Variants in RBFOX1 observed in about 807,000 individuals in gnomAD.
RBFOX1 encodes the protein RNA binding protein fox-1 homolog 1.
In RBFOX1, 8 loss-of-function variants were observed where a neutral mutation model predicts 57.7. The observed-to-expected ratio is 0.14, with a 90% CI of 0.08 to 0.25. The LOEUF is 0.25. Ranked by LOEUF, RBFOX1 falls within the 10% of genes least tolerant of loss-of-function variation. The probability of loss-of-function intolerance (pLI) is 1.00; values close to 1 mark genes in which losing one functional copy is unlikely to be tolerated. For synonymous variants in RBFOX1, 326 were observed against 222.4 expected (o/e 1.47, Z -4.15); for missense variants, 611 against 548.5 (o/e 1.11, Z -1.14).
At chr16:5,715,198 G>T (rs567673969) in intron 3 of RBFOX1, among the ~76,000 whole-genome samples, 8 of 152,146 alleles carry the variant, frequency 5.3e-5, no homozygotes, top group African/African-American at 1.9e-4. Context: ...ATACCCTGTT[G>T]TGTGTGTTTT....
At chr16:6,228,400 G>C (rs1341916649) in intron 1 of RBFOX1, among the ~76,000 whole-genome samples, 1 of 131,590 alleles carries the variant, frequency 7.6e-6, no homozygotes, top group African/African-American at 2.9e-5. Flanking sequence ...CAGATGAAAA[G>C]GTAAAGAAAA....
At position 5,908,336 on chromosome 16, in the gene RBFOX1, G is replaced by A. The variant is rs964089453; in HGVS notation, c.351+41001G>A. 6.7e-4 allele frequency among the ~76,000 whole-genome samples: 88 copies of A among 131,554 alleles called. 1 individual carries two copies. The East Asian group carries it at 0.02, about 31-fold the overall frequency. The allele number at this position is 131,554 out of a possible 152,430, so 86.3% of individuals were successfully genotyped here. On this transcript the variant is annotated intron_variant, in intron 4 of 19. Transcript: ENST00000641259. Reference sequence around the variant, plus strand: ...TATACACACACACATATATATATGTGTGTGTGTGTGTGTGTGTCTGTGTGT... The same window carrying A: ...TATACACACACACATATATATATGTATGTGTGTGTGTGTGTGTCTGTGTGT...
intron 3 of RBFOX1, among the ~76,000 whole-genome samples, chr16:7,022,322 G>A (rs1406718457): frequency 6.6e-6 from 1 of 151,456 alleles, no homozygotes; most frequent in African/African-American, 2.4e-5. Context: ...CAAAGTGCTG[G>A]GATTGCAGGC....
At chr16:6,642,872 A>G (rs1345653214) in intron 2 of RBFOX1, among the ~76,000 whole-genome samples, 1 of 152,160 alleles carries the variant, frequency 6.6e-6, no homozygotes, top group Non-Finnish European at 1.5e-5. Flanking sequence ...CTACCCAACT[A>G]AGGTAAACTT....
intron 3 of RBFOX1, among the ~76,000 whole-genome samples, chr16:5,847,427 C>T (rs549034250): frequency 4.7e-4 from 71 of 151,984 alleles, no homozygotes; most frequent in African/African-American, 1.6e-3. Context: ...AATGTGTGCA[C>T]AGATGTTACA....
chr16:7,649,153 A>C (rs1335337184), intron 11 of RBFOX1, among the ~76,000 whole-genome samples: 1 of 152,192 alleles, frequency 6.6e-6, no homozygotes, highest in East Asian at 1.9e-4. Context: ...AGACAGTAGG[A>C]TGTTCCCAAA....
chr16:5,849,615 G>A (rs1038641482), intron 3 of RBFOX1, among the ~76,000 whole-genome samples: 3 of 152,136 alleles, frequency 2.0e-5, no homozygotes, highest in Non-Finnish European at 2.9e-5. Context: ...AGTGCTCAGA[G>A]TCAGGAAATC....
chr16:7,186,768 A>T lies in RBFOX1; in HGVS notation c.27+134670A>T, dbSNP rs943846320. Among the ~76,000 whole-genome samples, 10 of 151,034 alleles carry T rather than the reference A, an allele frequency of 6.6e-5. No individual in the cohort carries two copies. The South Asian group carries it at 2.1e-3, about 31-fold the overall frequency. Reference sequence around the variant, plus strand: ...AAGCAATGACATTATTATAACTAACAGCATTAACTTAAATCTATCCTGCCA... The same window carrying T: ...AAGCAATGACATTATTATAACTAACTGCATTAACTTAAATCTATCCTGCCA... On this transcript the variant is annotated intron_variant, in intron 4 of 15. Coordinates refer to ENST00000550418, the MANE Select transcript of RBFOX1 (RefSeq NM_018723.4).
intron 1 of RBFOX1, among the ~76,000 whole-genome samples, chr16:5,459,274 C>T (rs2068720061): frequency 6.6e-6 from 1 of 152,226 alleles, no homozygotes; most frequent in Non-Finnish European, 1.5e-5. Context: ...ATCAGCTGCT[C>T]CTCATCCCAT....
At chr16:6,638,993 G>A (rs1371832617) in intron 2 of RBFOX1, among the ~76,000 whole-genome samples, 1 of 152,190 alleles carries the variant, frequency 6.6e-6, no homozygotes, top group African/African-American at 2.4e-5. Flanking sequence ...GATGGCTCGA[G>A]TTCAAGTGAA....
intron 2 of RBFOX1, among the ~76,000 whole-genome samples, chr16:5,529,579 T>TTG (rs1342468090): frequency 2.6e-5 from 4 of 150,982 alleles, no homozygotes; most frequent in Non-Finnish European, 5.9e-5. Flanking sequence ...GTATTTTTTT[T>TTG]TTTTGAGATG....
chr16:5,864,406 A>G (rs760658313), intron 3 of RBFOX1, among the ~76,000 whole-genome samples: 25 of 152,162 alleles, frequency 1.6e-4, no homozygotes, highest in Non-Finnish European at 3.5e-4. Context: ...ACTTTTCTTC[A>G]CCCTTTGGGT....
chr16:5,827,906 C>G (rs984023459), intron 3 of RBFOX1, among the ~76,000 whole-genome samples: 1 of 150,720 alleles, frequency 6.6e-6, no homozygotes, highest in Non-Finnish European at 1.5e-5. Flanking sequence ...TCCATCCATC[C>G]ATCCATCCAT....
At chr16:7,646,045 G>C (rs960158825) in intron 11 of RBFOX1, among the ~76,000 whole-genome samples, 1 of 150,680 alleles carries the variant, frequency 6.6e-6, no homozygotes, top group Non-Finnish European at 1.5e-5. Context: ...AACTTAATAA[G>C]TGCCATCATG....
chr16:6,220,972 A>T (rs924238406), intron 1 of RBFOX1, among the ~76,000 whole-genome samples: 10 of 149,708 alleles, frequency 6.7e-5, no homozygotes, highest in African/African-American at 2.0e-4. Context: ...GTGTGTGTGT[A>T]TGTGTGTGTG....
At chr16:6,678,938 G>T (rs1194995931) in intron 3 of RBFOX1, among the ~76,000 whole-genome samples, 1 of 152,110 alleles carries the variant, frequency 6.6e-6, no homozygotes, top group African/African-American at 2.4e-5. Context: ...ACATGGATGT[G>T]GCATTCAGTA....
At chr16:7,585,019 T>C (rs2094021225) in intron 6 of RBFOX1, among the ~76,000 whole-genome samples, 1 of 152,222 alleles carries the variant, frequency 6.6e-6, no homozygotes, top group Admixed American at 6.5e-5. Context: ...TGTTTTTGGG[T>C]TGACTGCCTA....
rs542964068 is a variant in RBFOX1 at position 7,677,273 on chromosome 16, T to C, written c.995+435T>C. ...ACTTCAATTTCAAGCCCCTTTCCTT[T>C]TTACAAGGTCTTATACCCAATAAAT... On this transcript the variant is annotated intron_variant, in intron 14 of 15. Coordinates refer to ENST00000550418, the MANE Select transcript of RBFOX1 (RefSeq NM_018723.4). 6.2e-4 allele frequency among the ~76,000 whole-genome samples: 94 copies of C among 152,226 alleles called. 2 individuals are homozygous for C. The South Asian group carries it at 0.02, about 32-fold the overall frequency.
chr16:7,304,977 G>A (rs2096141758), intron 4 of RBFOX1, among the ~76,000 whole-genome samples: 1 of 144,606 alleles, frequency 6.9e-6, no homozygotes, highest in South Asian at 2.2e-4. Flanking sequence ...AGTTTGTGTG[G>A]TGCTATATTC....
Sources: gnomAD v4.1 joint callset for allele counts (sites outside exome capture counted in the v4.1 genomes callset) on GRCh38, gnomAD v4.1.1 for gene constraint, MANE v1.5 for transcripts, NCBI Gene and HGNC (gene_info 2026-07-23, HGNC 2026-07-21) for gene names.